TRA2B: variants seen among roughly 807,000 people sequenced by gnomAD.
TRA2B encodes the protein transformer 2 beta homolog.
TRA2B carries 14 observed loss-of-function variants against 41.7 expected under a neutral mutation model. The observed-to-expected ratio is 0.34, with a 90% CI of 0.22 to 0.53. TRA2B has a LOEUF of 0.53. Among genes scored for constraint, TRA2B ranks in the 20% least tolerant of loss-of-function variants. The pLI is 0.95. For missense variants in TRA2B, 167 were observed against 396.8 expected (o/e 0.42, Z 4.92); for synonymous variants, 130 against 128.8 (o/e 1.01, Z -0.06).
chr3:185,917,474 T>C lies in TRA2B; in HGVS notation c.*241A>G. On this transcript the variant is annotated 3_prime_UTR_variant, in exon 9 of 9. Coordinates refer to ENST00000453386, the MANE Select transcript of TRA2B (RefSeq NM_004593.3). The stretch of plus-strand genomic sequence containing the variant: ...ACTTCTCAGCAGTCAAAATTTAGAC[T>C]GTAAAAAAATACATGCAAAACATAC... 2 of 468,544 alleles carry C rather than the reference T, an allele frequency of 4.3e-6. No homozygotes were observed. Among genetic ancestry groups the C allele is most frequent in the Non-Finnish European group, 3.8e-6 (1 of 260,230 alleles). The allele number at this position is 468,544 out of a possible 1,614,324, so 29.0% of individuals were successfully genotyped here.
At position 185,924,070 on chromosome 3, in the gene TRA2B, T is replaced by C. The variant is rs1353089837; in HGVS notation, c.334-86A>G. The C allele has an allele frequency of 9.2e-6, 11 of 1,194,666 alleles. 1 individual carries two copies. The Admixed American group carries it at 2.9e-4, about 32-fold the overall frequency. The allele number at this position is 1,194,666 out of a possible 1,614,324, so 74.0% of individuals were successfully genotyped here. On this transcript the variant is annotated intron_variant, in intron 3 of 8. Transcript: ENST00000453386. ...AAAGGGAGCTGTATACTAGCCAAAATGTCACTAACAAGAAAAGTACATAAT... is the reference window on the plus strand; with the variant it reads ...AAAGGGAGCTGTATACTAGCCAAAACGTCACTAACAAGAAAAGTACATAAT...
chr3:185,925,450 G>A lies in TRA2B; in HGVS notation c.333+14C>T. 6.2e-7 allele frequency: 1 copy of A among 1,610,300 alleles called. No individual in the cohort carries two copies. Among genetic ancestry groups the A allele is most frequent in the Non-Finnish European group, 8.5e-7 (1 of 1,178,724 alleles). On this transcript the variant is annotated intron_variant, in intron 3 of 8. Transcript: ENST00000453386. ...TAGGCAGTTGACTGCTTCAAAACCA[G>A]TTTTTCATCTTACCCGATTCCCAAC...
chr3:185,937,434 C>T (rs1208796958), intron 1 of TRA2B: 19 of 1,029,536 alleles, frequency 1.8e-5, no homozygotes, highest in Middle Eastern at 4.6e-4. Context: ...CCATTTTGTG[C>T]CTCTGGCAGC....
At chr3:185,917,801 AG>A in intron 8 of TRA2B, 76 bp from the exon 9 acceptor site, 1 of 1,500,488 alleles carries the variant, frequency 6.7e-7, no homozygotes, top group Non-Finnish European at 9.2e-7. Context: ...CGAGAATTTC[AG>A]AATATTCTGC....
intron 7 of TRA2B, among the ~76,000 whole-genome samples, chr3:185,919,190 G>A (rs1202844022): frequency 2.2e-5 from 2 of 89,128 alleles, no homozygotes; most frequent in Admixed American, 1.0e-4. Flanking sequence ...TGAGTTATCA[G>A]TGACTAACAT....
intron 1 of TRA2B, chr3:185,931,466 G>GT: frequency 5.2e-6 from 4 of 770,304 alleles, no homozygotes; most frequent in Non-Finnish European, 6.4e-6. Context: ...TAATTTAAAC[G>GT]TTTCCCCTGG....
At chr3:185,937,483 T>G (rs1489589664) in intron 1 of TRA2B, 2 of 1,074,238 alleles carry the variant, frequency 1.9e-6, no homozygotes, top group Non-Finnish European at 2.3e-6. Flanking sequence ...GCGGCGGACC[T>G]TCGCAGGAGA....
At chr3:185,928,501 C>T (rs769387286) in intron 1 of TRA2B, 1 of 152,188 alleles carries the variant, frequency 6.6e-6, no homozygotes, top group Non-Finnish European at 1.5e-5. Context: ...TAACAACAAT[C>T]CCTTGGAATT....
intron 1 of TRA2B, chr3:185,937,189 C>G (rs1056367197): frequency 1.0e-6 from 1 of 985,688 alleles, no homozygotes; most frequent in South Asian, 4.7e-5. Context: ...TCACGCAATC[C>G]CCTCCACCTA....
At chr3:185,930,907 G>A (rs889967075) in intron 1 of TRA2B, among the ~76,000 whole-genome samples, 1 of 152,112 alleles carries the variant, frequency 6.6e-6, no homozygotes, top group African/African-American at 2.4e-5. Flanking sequence ...CTCTTCTAAG[G>A]GGAAGCTACG....
chr3:185,921,385 G>A lies in TRA2B; in HGVS notation c.639-198C>T, dbSNP rs549904824. ...CCTATTTTTAAAAATCTTTGGTTAA[G>A]GAGGCACACAGATCCTGCCAGAGGT... On this transcript the variant is annotated intron_variant, in intron 5 of 8. Transcript: ENST00000453386. Among the ~76,000 whole-genome samples, 19 of 152,220 alleles carry A rather than the reference G, an allele frequency of 1.2e-4. No homozygotes were observed. In the South Asian group the frequency reaches 2.1e-3, roughly 17 times the overall value.
intron 3 of TRA2B, chr3:185,925,204 T>C: frequency 5.6e-6 from 2 of 354,322 alleles, no homozygotes; most frequent in East Asian, 5.8e-5. Flanking sequence ...TACAGTATAG[T>C]AATGCAGTCG....
intron 8 of TRA2B, 98 bp from the exon 9 acceptor site, chr3:185,917,823 T>A: frequency 7.5e-7 from 1 of 1,339,720 alleles, no homozygotes; most frequent in Non-Finnish European, 1.1e-6. Flanking sequence ...CATTAAGAAA[T>A]TCCTATGTGC....
At chr3:185,925,286 C>T (rs957416157) in intron 3 of TRA2B, 178 bp downstream of exon 3, 4 of 683,412 alleles carry the variant, frequency 5.9e-6, no homozygotes, top group South Asian at 2.1e-5. Context: ...ACAGGCAGCC[C>T]AAATGCAGAC....
At chr3:185,925,260 G>GT (rs1743901997) in intron 3 of TRA2B, 2 of 536,800 alleles carry the variant, frequency 3.7e-6, no homozygotes, top group Admixed American at 3.4e-5. Context: ...CATTGTGTCA[G>GT]TATTATGCTT....
chr3:185,928,282 A>C (rs910318718), intron 1 of TRA2B: 1 of 152,224 alleles, frequency 6.6e-6, no homozygotes, highest in Non-Finnish European at 1.5e-5. Flanking sequence ...AAATGAGTTC[A>C]GGTCTCTAGG....
At position 185,917,009 on chromosome 3, in the gene TRA2B, A is replaced by C. The variant is rs1743525442; in HGVS notation, c.*706T>G. On this transcript the variant is annotated 3_prime_UTR_variant, in exon 9 of 9. Coordinates refer to ENST00000453386, the MANE Select transcript of TRA2B (RefSeq NM_004593.3). ...GCTGATAACTAGTTGAAATACCATT[A>C]TCCCCTTGTAACACCTTTAAGAAAC... 6.6e-6 allele frequency: 1 copy of C among 152,616 alleles called. No individual in the cohort carries two copies. Among genetic ancestry groups the C allele is most frequent in the Non-Finnish European group, 1.5e-5 (1 of 68,038 alleles). 9.5% of individuals were successfully genotyped at this position (152,616 alleles called of 1,614,324 possible).
intron 1 of TRA2B, chr3:185,926,966 T>A (rs936844983): frequency 1.8e-5 from 8 of 448,326 alleles, no homozygotes; most frequent in Non-Finnish European, 2.8e-5. Flanking sequence ...AAGAGTTATT[T>A]GACCCCACTT....
intron 2 of TRA2B, 75 bp downstream of exon 2, chr3:185,926,526 C>A (rs1381967607): frequency 3.8e-6 from 6 of 1,582,146 alleles, no homozygotes; most frequent in Non-Finnish European, 2.6e-6. Context: ...ACCCTCTCTA[C>A]CTTCCTGGTT....
Sources: allele counts gnomAD v4.1 joint callset (sites outside exome capture counted in the v4.1 genomes callset), GRCh38; gene constraint gnomAD v4.1.1; transcripts MANE v1.5; gene names NCBI Gene and HGNC (gene_info 2026-07-23, HGNC 2026-07-21).